TANC2: variants seen among roughly 807,000 people sequenced by gnomAD.
The protein encoded by TANC2 is protein TANC2.
A neutral mutation model predicts 210.5 loss-of-function variants in TANC2; 26 were observed. The ratio of observed to expected loss-of-function variants is 0.12; its 90% confidence interval spans 0.09 to 0.17. The LOEUF (loss-of-function observed/expected upper bound fraction) is 0.17. TANC2 is among the 10% of genes least tolerant of loss of function. The probability of loss-of-function intolerance (pLI) is 1.00; values close to 1 mark genes in which losing one functional copy is unlikely to be tolerated. For synonymous variants in TANC2, 931 were observed against 967.1 expected (o/e 0.96, Z 0.69); for missense variants, 2,129 against 2,608.9 (o/e 0.82, Z 4.01).
intron 9 of TANC2, among the ~76,000 whole-genome samples, chr17:63,275,946 G>A (rs942607599): frequency 6.6e-6 from 1 of 152,008 alleles, no homozygotes; most frequent in Non-Finnish European, 1.5e-5. Flanking sequence ...AACCTATTTT[G>A]ATGTTTTGAT....
intron 3 of TANC2, among the ~76,000 whole-genome samples, chr17:63,078,937 T>G (rs532004528): frequency 3.3e-5 from 5 of 152,228 alleles, no homozygotes; most frequent in African/African-American, 1.2e-4. Context: ...GTCTTCTATC[T>G]TCTTGCCGAT....
chr17:63,139,186 TTAC>T (rs2039198787), intron 4 of TANC2, among the ~76,000 whole-genome samples: 1 of 152,256 alleles, frequency 6.6e-6, no homozygotes, highest in African/African-American at 2.4e-5. Flanking sequence ...AATTCTCTTA[TTAC>T]CTAACCAGTA....
chr17:63,168,969 T>C (rs1172418992), intron 5 of TANC2, among the ~76,000 whole-genome samples: 3 of 152,234 alleles, frequency 2.0e-5, no homozygotes, highest in African/African-American at 4.8e-5. Context: ...TCAGCTATTA[T>C]GATTTAGCTA....
At chr17:63,016,594 T>G (rs1316473536) in intron 2 of TANC2, among the ~76,000 whole-genome samples, 2 of 152,212 alleles carry the variant, frequency 1.3e-5, no homozygotes, top group Non-Finnish European at 2.9e-5. Context: ...GTGGGATTTC[T>G]GGGTCATATG....
chr17:63,101,072 A>G (rs1289079838), intron 4 of TANC2, among the ~76,000 whole-genome samples: 1 of 152,186 alleles, frequency 6.6e-6, no homozygotes, highest in African/African-American at 2.4e-5. Flanking sequence ...TCTTTGGTCA[A>G]TTTTCTGCCA....
intron 4 of TANC2, among the ~76,000 whole-genome samples, chr17:63,105,437 A>C (rs191687980): frequency 6.6e-6 from 1 of 151,870 alleles, no homozygotes; most frequent in Admixed American, 6.5e-5. Context: ...GGGCCTATAC[A>C]TAGTGTTATT....
chr17:63,230,839 T>G (rs1252048817), intron 7 of TANC2, among the ~76,000 whole-genome samples: 3 of 152,212 alleles, frequency 2.0e-5, no homozygotes, highest in Non-Finnish European at 2.9e-5. Context: ...TCTGTCTTGA[T>G]TATCTGTCTA....
chr17:63,128,493 AT>A (rs2038794061), intron 4 of TANC2, among the ~76,000 whole-genome samples: 1 of 152,230 alleles, frequency 6.6e-6, no homozygotes, highest in Non-Finnish European at 1.5e-5. Context: ...TAGATTATAC[AT>A]TTTAGTGCAG....
intron 14 of TANC2, among the ~76,000 whole-genome samples, chr17:63,364,858 A>G (rs1598949696): frequency 6.6e-6 from 1 of 152,314 alleles, no homozygotes; most frequent in East Asian, 1.9e-4. Flanking sequence ...TATTGTTTGT[A>G]AAAGGTAATA....
chr17:63,063,531 CGTGTGTGTGT>C (rs59132639), intron 2 of TANC2, among the ~76,000 whole-genome samples: 12 of 108,224 alleles, frequency 1.1e-4, no homozygotes, highest in East Asian at 4.5e-4. Flanking sequence ...GGGACAAAGA[CGTGTGTGTGT>C]GTGTGTGTGT....
At chr17:63,343,396 ATG>A (rs2046302604) in intron 12 of TANC2, among the ~76,000 whole-genome samples, 1 of 152,248 alleles carries the variant, frequency 6.6e-6, no homozygotes, top group African/African-American at 2.4e-5. Flanking sequence ...CATGTATTAG[ATG>A]TATGCACCTA....
At chr17:63,118,776 A>ATTTT (rs1162117818) in intron 4 of TANC2, among the ~76,000 whole-genome samples, 5 of 125,670 alleles carry the variant, frequency 4.0e-5, no homozygotes, top group Admixed American at 8.2e-5. Flanking sequence ...TATCCAACTA[A>ATTTT]TTTTTTTTTT....
rs188918409 is a variant in TANC2, at chr17:63,333,341, G to A, written c.1576-6760G>A. Among the ~76,000 whole-genome samples the A allele has an allele frequency of 1.4e-3, 209 of 152,242 alleles. 1 individual carries two copies. Among genetic ancestry groups the A allele is most frequent in the African/African-American group, 4.3e-3 (179 of 41,546 alleles). The stretch of plus-strand genomic sequence containing the variant: ...GGAAGAAATTAATTTTAACCATAAT[G>A]GATGACCTTGAGAGAGGTTCAAGAC... On this transcript the variant is annotated intron_variant, in intron 11 of 27. Transcript: ENST00000689528.
At chr17:63,119,261 A>T (rs1006101744) in intron 4 of TANC2, among the ~76,000 whole-genome samples, 2 of 152,194 alleles carry the variant, frequency 1.3e-5, no homozygotes. Flanking sequence ...TTTGGAAAAT[A>T]TATACGTCAG....
intron 7 of TANC2, among the ~76,000 whole-genome samples, chr17:63,236,781 T>C (rs2042633640): frequency 6.6e-6 from 1 of 152,146 alleles, no homozygotes; most frequent in South Asian, 2.1e-4. Flanking sequence ...TAACTTGTTT[T>C]GTTTAAGATT....
At chr17:63,394,716 G>A (rs2048099295) in intron 17 of TANC2, among the ~76,000 whole-genome samples, 1 of 152,186 alleles carries the variant, frequency 6.6e-6, no homozygotes, top group Non-Finnish European at 1.5e-5. Flanking sequence ...ATCTGTTCCT[G>A]ATTCTAGCCA....
intron 5 of TANC2, among the ~76,000 whole-genome samples, chr17:63,179,539 C>G (rs1221339427): frequency 6.6e-6 from 1 of 152,164 alleles, no homozygotes; most frequent in East Asian, 1.9e-4. Context: ...ACTACTACTA[C>G]TAATAGTACT....
At chr17:63,258,065 T>C (rs1483382474) in intron 8 of TANC2, among the ~76,000 whole-genome samples, 1 of 152,188 alleles carries the variant, frequency 6.6e-6, no homozygotes, top group Non-Finnish European at 1.5e-5. Context: ...CTCTTAGCTT[T>C]TGTTTGTCTG....
chr17:62,990,068 C>T (rs2032781711), intron 1 of TANC2, among the ~76,000 whole-genome samples: 1 of 151,904 alleles, frequency 6.6e-6, no homozygotes, highest in African/African-American at 2.4e-5. Flanking sequence ...TGAGCCACTG[C>T]ACCCGGCCAA....
Sources: gnomAD v4.1 joint callset for allele counts (sites outside exome capture counted in the v4.1 genomes callset) on GRCh38, gnomAD v4.1.1 for gene constraint, MANE v1.5 for transcripts, NCBI Gene and HGNC (gene_info 2026-07-23, HGNC 2026-07-21) for gene names.